The following HOMER2 variants were observed in gnomAD, a reference collection of about 807,000 sequenced individuals.
HOMER2 encodes homer protein homolog 2.
In HOMER2, 27 loss-of-function variants were observed where a neutral mutation model predicts 47.0. The ratio of observed to expected loss-of-function variants is 0.57; its 90% confidence interval spans 0.42 to 0.79. HOMER2 has a LOEUF of 0.79. Among genes scored for constraint, HOMER2 ranks in the 30% least tolerant of loss-of-function variants. The probability of loss-of-function intolerance (pLI) is 0.00; values close to 1 mark genes in which losing one functional copy is unlikely to be tolerated. For synonymous variants in HOMER2, 161 were observed against 163.8 expected, an observed-to-expected ratio of 0.98 and a Z score of 0.13; for missense variants, 443 against 435.0, an observed-to-expected ratio of 1.02 and a Z score of -0.16.
At chr15:82,950,499 GA>G (rs1336080836) in intron 1 of HOMER2, among the ~76,000 whole-genome samples, 1 of 152,114 alleles carries the variant, frequency 6.6e-6, no homozygotes, top group Non-Finnish European at 1.5e-5. Flanking sequence ...ACAACTCTCA[GA>G]AAGGATGACA....
rs544577699 is a variant in HOMER2 at position 82,974,361 on chromosome 15, G to A, written n.82+11426C>T. ...GGAGGTTGCAGTGAGCCGAGATCGC[G>A]CCATTGCACTCCCGCCTGGGCAACA... is the stretch of plus-strand genomic sequence containing the variant. On this transcript the variant is annotated intron_variant and non_coding_transcript_variant, in intron 1 of 1. Transcript: ENST00000500334. Among the ~76,000 whole-genome samples the A allele has an allele frequency of 2.1e-3, 316 of 150,762 alleles. 3 individuals carry two copies. The highest frequency in any genetic ancestry group is 7.5e-4 in the Non-Finnish European group (51 of 67,774).
At chr15:82,836,510 T>G (rs4779069), downstream of HOMER2, among the ~76,000 whole-genome samples, 1 of 152,186 alleles carries the variant, frequency 6.6e-6, no homozygotes, top group South Asian at 2.1e-4. Flanking sequence ...CCCTGCACCC[T>G]TCATGTCCTG....
At chr15:82,854,510 G>A in intron 6 of HOMER2, 134 bp downstream of exon 6, 2 of 822,740 alleles carry the variant, frequency 2.4e-6, no homozygotes, top group Non-Finnish European at 1.9e-6. Context: ...GTTCCCATGG[G>A]AGAGGCAGCA....
At chr15:82,882,698 C>T (rs2052562834) in intron 2 of HOMER2, among the ~76,000 whole-genome samples, 2 of 152,210 alleles carry the variant, frequency 1.3e-5, no homozygotes, top group African/African-American at 4.8e-5. Flanking sequence ...GAGCGTGACA[C>T]ATGCTTGGAC....
At position 82,855,494 on chromosome 15, in the gene HOMER2, G is replaced by T. The variant is rs143610806; in HGVS notation, c.495-694C>A. 5.1e-3 allele frequency among the ~76,000 whole-genome samples: 777 copies of T among 152,272 alleles called. 5 individuals are homozygous for T. The highest frequency in any genetic ancestry group is 0.018 in the African/African-American group (730 of 41,558). ...GTGGACCGGGTGACCTTCAAGAATC[G>T]TATGAAAGCCATGGACGGACCTCCA... On this transcript the variant is annotated intron_variant, in intron 5 of 8. Transcript: ENST00000450735.
intron 2 of HOMER2, among the ~76,000 whole-genome samples, chr15:82,882,632 T>C (rs1429349186): frequency 6.6e-6 from 1 of 152,190 alleles, no homozygotes; most frequent in Admixed American, 6.5e-5. Context: ...CTGAGATGAG[T>C]AGCACCAACT....
exon 2 of HOMER2, chr15:82,843,341 G>A (rs1165188943): frequency 1.3e-5 from 2 of 149,770 alleles, no homozygotes; most frequent in Non-Finnish European, 1.5e-5. Flanking sequence ...TCAGGAGGGA[G>A]GTTGACACAT....
At chr15:82,875,910 T>C (rs1185973654) in intron 2 of HOMER2, among the ~76,000 whole-genome samples, 1 of 152,188 alleles carries the variant, frequency 6.6e-6, no homozygotes, top group Non-Finnish European at 1.5e-5. Flanking sequence ...GGATAATTTG[T>C]GGAGGGTTAA....
chr15:82,861,609 G>A (rs2051792886), intron 4 of HOMER2, among the ~76,000 whole-genome samples: 1 of 152,112 alleles, frequency 6.6e-6, no homozygotes, highest in Non-Finnish European at 1.5e-5. Context: ...AAGTGTTTTT[G>A]TAATTAGGCT....
chr15:82,952,755 G>C, upstream of HOMER2: 1 of 962,904 alleles, frequency 1.0e-6, no homozygotes. Flanking sequence ...CGCTGGGGCG[G>C]TGCCCGCCCC....
rs2029994709 is a variant in HOMER2 at position 82,971,707 on chromosome 15, G to A, written n.83-12399C>T. 2.0e-5 allele frequency among the ~76,000 whole-genome samples: 3 copies of A among 151,998 alleles called. No individual in the cohort carries two copies. In the South Asian group the frequency reaches 6.2e-4, roughly 31 times the overall value. ...TTAATCTCTGACTGTGCTAAAATCA[G>A]TCCAGTTCTGGGCCAGTGCTTCAAA... is the stretch of plus-strand genomic sequence containing the variant. On this transcript the variant is annotated intron_variant and non_coding_transcript_variant, in intron 1 of 1. Coordinates refer to the HOMER2 transcript ENST00000500334.
intron 3 of HOMER2, among the ~76,000 whole-genome samples, chr15:82,868,262 T>C (rs1024194957): frequency 2.0e-5 from 3 of 151,470 alleles, no homozygotes; most frequent in Non-Finnish European, 4.4e-5. Flanking sequence ...TGCAAAAATG[T>C]TCTCCCATTC....
intron 2 of HOMER2, among the ~76,000 whole-genome samples, chr15:82,879,880 A>C (rs1323663244): frequency 2.0e-5 from 3 of 152,382 alleles, no homozygotes; most frequent in South Asian, 2.1e-4. Context: ...AGAATGGATA[A>C]ATACACTGCA....
chr15:82,901,840 TCTG>T (rs1177139675), intron 1 of HOMER2, among the ~76,000 whole-genome samples: 1 of 152,220 alleles, frequency 6.6e-6, no homozygotes, highest in East Asian at 1.9e-4. Flanking sequence ...CTCATAATTA[TCTG>T]CTATCACCTT....
intron 7 of HOMER2, 118 bp downstream of exon 7, chr15:82,852,024 C>T: frequency 7.5e-6 from 5 of 664,598 alleles, no homozygotes; most frequent in Non-Finnish European, 1.3e-5. Context: ...AGCTCTCTCT[C>T]CGTGCTGCTA....
At chr15:82,934,474 T>C (rs545897766) in intron 1 of HOMER2, among the ~76,000 whole-genome samples, 26 of 152,182 alleles carry the variant, frequency 1.7e-4, no homozygotes, top group Admixed American at 1.3e-3. Context: ...TGCAGATCCC[T>C]TGCTTCCCGC....
chr15:82,940,540 G>A (rs539515899), intron 1 of HOMER2, among the ~76,000 whole-genome samples: 2 of 152,248 alleles, frequency 1.3e-5, no homozygotes, highest in East Asian at 1.9e-4. Flanking sequence ...TCAGGAGATC[G>A]AGACCATCCT....
At chr15:82,938,949 C>T (rs2054201774) in intron 1 of HOMER2, among the ~76,000 whole-genome samples, 1 of 152,290 alleles carries the variant, frequency 6.6e-6, no homozygotes, top group South Asian at 2.1e-4. Context: ...GCTCATTCAC[C>T]GGCTTCTTTT....
At chr15:82,983,397 G>A (rs1021537295) in intron 1 of HOMER2, among the ~76,000 whole-genome samples, 4 of 152,128 alleles carry the variant, frequency 2.6e-5, no homozygotes, top group African/African-American at 9.7e-5. Context: ...TCTCTTTCCT[G>A]AGATTTAGTC....
Sources: allele counts gnomAD v4.1 joint callset (sites outside exome capture counted in the v4.1 genomes callset), GRCh38; gene constraint gnomAD v4.1.1; transcripts MANE v1.5; gene names NCBI Gene and HGNC (gene_info 2026-07-23, HGNC 2026-07-21).